Variants in MARK1 observed in about 807,000 individuals in gnomAD.
MARK1 encodes the protein serine/threonine-protein kinase MARK1.
In MARK1, 40 loss-of-function variants were observed where a neutral mutation model predicts 96.3. The ratio of observed to expected loss-of-function variants is 0.42; its 90% CI spans 0.32 to 0.54. The LOEUF (loss-of-function observed/expected upper bound fraction) is 0.54. Among genes scored for constraint, MARK1 ranks in the 20% least tolerant of loss-of-function variants. The pLI, the probability that MARK1 is intolerant of heterozygous loss-of-function variation, is 0.16. For missense variants in MARK1, 719 were observed against 984.6 expected, an observed-to-expected ratio of 0.73 and a Z score of 3.61; for synonymous variants, 317 against 341.2, an observed-to-expected ratio of 0.93 and a Z score of 0.78.
intron 1 of MARK1, among the ~76,000 whole-genome samples, chr1:220,570,504 A>T (rs1270659831): frequency 6.6e-6 from 1 of 152,064 alleles, no homozygotes; most frequent in African/African-American, 2.4e-5. Flanking sequence ...TTGATGGGAT[A>T]TTCTTGTTTC....
intron 4 of MARK1, among the ~76,000 whole-genome samples, chr1:220,598,896 T>C (rs751620055): frequency 6.6e-6 from 1 of 151,906 alleles, no homozygotes; most frequent in Non-Finnish European, 1.5e-5. Flanking sequence ...GGAGGATTGC[T>C]TGAGCCTGGG....
At chr1:220,594,436 T>C (rs965610612) in intron 3 of MARK1, among the ~76,000 whole-genome samples, 1 of 152,216 alleles carries the variant, frequency 6.6e-6, no homozygotes, top group Non-Finnish European at 1.5e-5. Context: ...ATGCAAATGG[T>C]ACAGCCACTT....
intron 13 of MARK1, among the ~76,000 whole-genome samples, chr1:220,637,148 A>G (rs1353546879): frequency 4.6e-5 from 7 of 152,194 alleles, no homozygotes; most frequent in Non-Finnish European, 8.8e-5. Context: ...TGGAGGAAGC[A>G]TTCTTACGGG....
intron 13 of MARK1, among the ~76,000 whole-genome samples, chr1:220,646,038 A>G (rs917570538): frequency 6.6e-5 from 10 of 152,172 alleles, no homozygotes; most frequent in African/African-American, 2.4e-4. Flanking sequence ...TATACAACAT[A>G]GTATTGGAAG....
intron 9 of MARK1, among the ~76,000 whole-genome samples, chr1:220,628,659 C>G (rs773368219): frequency 3.3e-5 from 5 of 152,140 alleles, no homozygotes; most frequent in Admixed American, 6.5e-5. Context: ...TTCATTCTTA[C>G]ACTATTCATT....
chr1:220,547,857 C>T (rs1034432884), intron 1 of MARK1, among the ~76,000 whole-genome samples: 2 of 152,226 alleles, frequency 1.3e-5, no homozygotes, highest in Non-Finnish European at 2.9e-5. Context: ...CGAGCCACCG[C>T]GCACAACCTC....
intron 16 of MARK1, among the ~76,000 whole-genome samples, chr1:220,653,651 C>G (rs1341279996): frequency 6.6e-6 from 1 of 151,980 alleles, no homozygotes; most frequent in African/African-American, 2.4e-5. Context: ...TATTTAAAAG[C>G]CTTGATTGAG....
intron 15 of MARK1, 49 bp from the exon 16 acceptor site, chr1:220,653,052 G>T: frequency 6.3e-7 from 1 of 1,596,296 alleles, no homozygotes; most frequent in African/African-American, 1.3e-5. Flanking sequence ...TTGAGTGAAA[G>T]GTTTTCTTGT....
intron 1 of MARK1, among the ~76,000 whole-genome samples, chr1:220,557,998 C>T (rs190415814): frequency 1.6e-3 from 240 of 152,102 alleles, no homozygotes; most frequent in African/African-American, 5.5e-3. Flanking sequence ...GGCATGCTGG[C>T]ATGCACCTGT....
chr1:220,534,875 A>G (rs927862390), intron 1 of MARK1, among the ~76,000 whole-genome samples: 3 of 152,130 alleles, frequency 2.0e-5, no homozygotes, highest in African/African-American at 7.2e-5. Flanking sequence ...TTTATAGCTG[A>G]ATAATATTCC....
chr1:220,649,350 TC>T (rs1471914799), intron 13 of MARK1, among the ~76,000 whole-genome samples: 2 of 151,908 alleles, frequency 1.3e-5, no homozygotes, highest in Non-Finnish European at 2.9e-5. Flanking sequence ...CTTAAGCCTC[TC>T]GAGTAGCTGG....
chr1:220,559,164 C>T (rs1421920183), intron 1 of MARK1, among the ~76,000 whole-genome samples: 1 of 152,120 alleles, frequency 6.6e-6, no homozygotes, highest in Non-Finnish European at 1.5e-5. Context: ...ACAGAAGGGG[C>T]TTTGGGACAG....
At chr1:220,643,770 C>T (rs7556281) in intron 13 of MARK1, among the ~76,000 whole-genome samples, 9,486 of 152,218 alleles carry the variant, frequency 0.062, 908 homozygotes, top group African/African-American at 0.21. Flanking sequence ...GGCCAATATT[C>T]TACATTCTTA....
chr1:220,557,280 T>C (rs1368289497), intron 1 of MARK1, among the ~76,000 whole-genome samples: 2 of 152,116 alleles, frequency 1.3e-5, no homozygotes, highest in African/African-American at 4.8e-5. Flanking sequence ...CCTTCAAGAA[T>C]AAGGACAAAT....
chr1:220,539,716 T>C (rs538037277), intron 1 of MARK1, among the ~76,000 whole-genome samples: 8 of 152,274 alleles, frequency 5.3e-5, no homozygotes, highest in Non-Finnish European at 1.2e-4. Flanking sequence ...CTAGGGATAA[T>C]TGCCTCTTGG....
chr1:220,611,260 C>T (rs1261063959), intron 6 of MARK1, among the ~76,000 whole-genome samples: 1 of 152,212 alleles, frequency 6.6e-6, no homozygotes, highest in Non-Finnish European at 1.5e-5. Flanking sequence ...GCTTTGTTTA[C>T]CTACTCAAGC....
chr1:220,660,663 C>T (rs1274426469), intron 17 of MARK1, among the ~76,000 whole-genome samples: 1 of 152,080 alleles, frequency 6.6e-6, no homozygotes, highest in Non-Finnish European at 1.5e-5. Context: ...AATCTATTAA[C>T]TTTGATGAAG....
chr1:220,548,683 G>A (rs1661662509), intron 1 of MARK1, among the ~76,000 whole-genome samples: 1 of 152,114 alleles, frequency 6.6e-6, no homozygotes, highest in African/African-American at 2.4e-5. Flanking sequence ...AGACTGTGGT[G>A]AGCCGGAGGC....
chr1:220,546,515 G>A (rs1405075033), intron 1 of MARK1, among the ~76,000 whole-genome samples: 1 of 152,158 alleles, frequency 6.6e-6, no homozygotes, highest in South Asian at 2.1e-4. Flanking sequence ...ATTGGTCTTT[G>A]TGATTTTAAT....
Sources: allele counts gnomAD v4.1 joint callset (sites outside exome capture counted in the v4.1 genomes callset), GRCh38; gene constraint gnomAD v4.1.1; transcripts MANE v1.5; gene names NCBI Gene and HGNC (gene_info 2026-07-23, HGNC 2026-07-21).